Variants in NDUFA10 observed in about 807,000 individuals in gnomAD.
NDUFA10 encodes the protein NADH dehydrogenase [ubiquinone] 1 alpha subcomplex subunit 10, mitochondrial.
A neutral mutation model predicts 47.8 loss-of-function variants in NDUFA10; 40 were observed. The observed-to-expected ratio is 0.84, with a 90% CI of 0.65 to 1.09. The LOEUF is 1.09. NDUFA10 is among the 50% of genes least tolerant of loss of function. The pLI, the probability that NDUFA10 is intolerant of heterozygous loss-of-function variation, is 0.00. For missense variants in NDUFA10, 413 were observed against 451.1 expected (o/e 0.92, Z 0.76); for synonymous variants, 183 against 172.2 (o/e 1.06, Z -0.49).
At chr2:239,899,073 G>A (rs1417370590) in intron 4 of NDUFA10, among the ~76,000 whole-genome samples, 1 of 50,618 alleles carries the variant, frequency 2.0e-5, no homozygotes, top group East Asian at 4.6e-4. Context: ...GGAGGGGTGT[G>A]ATGGAGGAGT....
chr2:239,950,424 T>G (rs1694531916), intron 4 of NDUFA10, among the ~76,000 whole-genome samples: 2 of 152,290 alleles, frequency 1.3e-5, no homozygotes, highest in South Asian at 4.1e-4. Context: ...AGCTGCCCCC[T>G]CGGGGCATGA....
At chr2:239,985,188 G>A (rs1162719577) in intron 9 of NDUFA10, among the ~76,000 whole-genome samples, 1 of 152,112 alleles carries the variant, frequency 6.6e-6, no homozygotes, top group Non-Finnish European at 1.5e-5. Flanking sequence ...AAACGTTAGG[G>A]ACCAGACCAC....
At chr2:239,979,199 C>G (rs1475568697) in intron 9 of NDUFA10, among the ~76,000 whole-genome samples, 3 of 152,192 alleles carry the variant, frequency 2.0e-5, no homozygotes, top group Non-Finnish European at 2.9e-5. Context: ...TAAATTAAAG[C>G]CTTTACACCA....
intron 9 of NDUFA10, among the ~76,000 whole-genome samples, chr2:239,974,488 A>C (rs1695431653): frequency 6.6e-6 from 1 of 152,252 alleles, no homozygotes; most frequent in Non-Finnish European, 1.5e-5. Context: ...CATGTTCATC[A>C]AATGAGAGTG....
chr2:239,993,546 C>A (rs559528430), intron 8 of NDUFA10, among the ~76,000 whole-genome samples: 2 of 152,226 alleles, frequency 1.3e-5, no homozygotes, highest in South Asian at 4.2e-4. Context: ...TGAATTAATT[C>A]TGGGAAAGGA....
chr2:239,939,358 C>T (rs113358041), intron 4 of NDUFA10, among the ~76,000 whole-genome samples: 19 of 152,308 alleles, frequency 1.2e-4, no homozygotes, highest in African/African-American at 3.6e-4. Flanking sequence ...GAGTGGAACT[C>T]GCGGAGAGAG....
intron 9 of NDUFA10, among the ~76,000 whole-genome samples, chr2:239,989,746 G>A (rs1201337763): frequency 1.3e-5 from 2 of 152,188 alleles, no homozygotes; most frequent in Non-Finnish European, 2.9e-5. Context: ...CAGACAAAGA[G>A]TAAGAAAATA....
chr2:239,953,426 G>A (rs1374556865), downstream of NDUFA10, among the ~76,000 whole-genome samples: 2 of 152,248 alleles, frequency 1.3e-5, no homozygotes, highest in Non-Finnish European at 2.9e-5. Flanking sequence ...AAAGTGCAAG[G>A]CAGCTGCTTA....
At chr2:239,920,938 G>C (rs1559282923) in intron 4 of NDUFA10, among the ~76,000 whole-genome samples, 1 of 152,108 alleles carries the variant, frequency 6.6e-6, no homozygotes, top group African/African-American at 2.4e-5. Context: ...GGTTTCTCCT[G>C]TCTCTCCTCA....
intron 4 of NDUFA10, among the ~76,000 whole-genome samples, chr2:239,898,587 C>T (rs1016865827): frequency 1.1e-4 from 17 of 152,106 alleles, no homozygotes; most frequent in African/African-American, 3.4e-4. Context: ...AGGCAAGGAA[C>T]GCCTCTCCAG....
In NDUFA10 at chr2:240,025,239, G is replaced by T; in HGVS notation, c.63C>A (p.Gly21=). The T allele has an allele frequency of 6.9e-7, 1 of 1,452,212 alleles. No homozygotes were observed. 90.0% of individuals were successfully genotyped at this position (1,452,212 alleles called of 1,614,324 possible). A position where few individuals can be genotyped will look rare whatever the true frequency, so the allele number is the denominator to read the frequency against. Reference sequence around the variant, plus strand: ...GCCGCCCGCTCACCACGCGCTGGGCGCCCGCCGCCACGACCCGGGCGGACG... The same window carrying T: ...GCCGCCCGCTCACCACGCGCTGGGCTCCCGCCGCCACGACCCGGGCGGACG... ...TSASARVVAA[G]AQRVRGIHSS... Residue 21 remains glycine (G), a synonymous_variant, in exon 1 of 10, where the codon GGC becomes GGA. Transcript: ENST00000252711.
downstream of NDUFA10, among the ~76,000 whole-genome samples, chr2:239,953,266 C>T (rs1015324464): frequency 2.0e-5 from 3 of 152,162 alleles, no homozygotes; most frequent in Non-Finnish European, 4.4e-5. Context: ...ACCATATACG[C>T]AGGCAGCCTC....
intron 8 of NDUFA10, 33 bp downstream of exon 8, chr2:240,005,177 G>A (rs749785578): frequency 6.4e-7 from 1 of 1,563,004 alleles, no homozygotes; most frequent in Non-Finnish European, 8.8e-7. Context: ...GTAGACCCCA[G>A]ACATGCAGCA....
At chr2:239,938,297 C>T (rs955033202) in intron 4 of NDUFA10, among the ~76,000 whole-genome samples, 37 of 152,220 alleles carry the variant, frequency 2.4e-4, no homozygotes, top group African/African-American at 8.2e-4. Context: ...CACCTGCTGT[C>T]CAGGCTGGCC....
At chr2:239,973,689 T>A in intron 9 of NDUFA10, 1 of 452,724 alleles carries the variant, frequency 2.2e-6, no homozygotes, top group Non-Finnish European at 4.6e-6. Flanking sequence ...AAATCACAGT[T>A]TGTCTAATCC....
At chr2:239,974,046 C>A (rs1456879407) in intron 9 of NDUFA10, among the ~76,000 whole-genome samples, 2 of 152,178 alleles carry the variant, frequency 1.3e-5, no homozygotes, top group South Asian at 2.1e-4. Context: ...CATGCCTCAG[C>A]CTCCCGAGTA....
At chr2:239,934,390 A>C (rs1694227283) in intron 4 of NDUFA10, among the ~76,000 whole-genome samples, 2 of 145,872 alleles carry the variant, frequency 1.4e-5, no homozygotes, top group South Asian at 2.3e-4. Context: ...AGCCTGACGA[A>C]CCACGAACCA....
In NDUFA10 at chr2:239,960,586, T is replaced by G. The variant is rs1487947950; in HGVS notation, c.*532A>C. 1 of 1,011,396 alleles carries G rather than the reference T, an allele frequency of 9.9e-7. No individual in the cohort carries two copies. Among genetic ancestry groups the G allele is most frequent in the Admixed American group, 5.1e-5 (1 of 19,730 alleles). 62.7% of individuals were successfully genotyped at this position (1,011,396 alleles called of 1,614,324 possible). On this transcript the variant is annotated 3_prime_UTR_variant, in exon 10 of 10. Transcript: ENST00000252711. ...TTTTTTCTACTCTAATGTAGCACAT[T>G]ACTAAAATAAATACAGTAGGCCTTT...
intron 9 of NDUFA10, among the ~76,000 whole-genome samples, chr2:239,984,833 G>A (rs992931842): frequency 1.3e-5 from 2 of 152,246 alleles, no homozygotes; most frequent in Non-Finnish European, 2.9e-5. Context: ...CCGGGGGGCT[G>A]AGAAGCCCGG....
Sources: allele counts gnomAD v4.1 joint callset (sites outside exome capture counted in the v4.1 genomes callset), GRCh38; gene constraint gnomAD v4.1.1; transcripts MANE v1.5; gene names NCBI Gene and HGNC (gene_info 2026-07-23, HGNC 2026-07-21).